NLGN4X: variants seen among roughly 807,000 people sequenced by gnomAD.
The protein encoded by NLGN4X is neuroligin 4 X-linked, also known as neuroligin-4, X-linked.
Under a neutral mutation model 40.3 loss-of-function variants are expected in NLGN4X, and 3 were observed. The ratio of observed to expected loss-of-function variants is 0.07; its 90% CI spans 0.03 to 0.19. NLGN4X has a LOEUF of 0.19. NLGN4X is among the 10% of genes least tolerant of loss of function. The probability of loss-of-function intolerance (pLI) is 1.00; values close to 1 mark genes in which losing one functional copy is unlikely to be tolerated. For missense variants in NLGN4X, 382 were observed against 708.3 expected (o/e 0.54, Z 5.23); for synonymous variants, 270 against 306.8 (o/e 0.88, Z 1.25).
chrX:5,914,066 G>C (rs781192789), intron 3 of NLGN4X, among the ~76,000 whole-genome samples: 57 of 111,868 alleles, frequency 5.1e-4, no homozygotes, highest in Non-Finnish European at 9.2e-4. Context: ...CCAGTCTCAG[G>C]TATGTCTTTA....
Position 5,898,068 on chromosome X carries a change from A to G in NLGN4X, c.1602-4402T>C, listed in dbSNP as rs1218955618. ...CCATTTTTTCCTTCCTTCCCTCGCTACTTTCCTTCCTTCCTCTCTTCTTTC... is the reference window on the plus strand; with the variant it reads ...CCATTTTTTCCTTCCTTCCCTCGCTGCTTTCCTTCCTTCCTCTCTTCTTTC... On this transcript the variant is annotated intron_variant, in intron 5 of 5. Coordinates refer to ENST00000381095, the MANE Select transcript of NLGN4X (RefSeq NM_181332.3). Among the ~76,000 whole-genome samples the G allele has an allele frequency of 4.1e-5, 3 of 74,012 alleles. No individual in the cohort carries two copies. The Admixed American group carries it at 5.8e-4, about 14-fold the overall frequency. 64.3% of individuals were successfully genotyped at this position (74,012 alleles called of 115,157 possible). A position where few individuals can be genotyped will look rare whatever the true frequency, so the allele number is the denominator to read the frequency against.
intron 3 of NLGN4X, among the ~76,000 whole-genome samples, chrX:5,946,123 A>G (rs2034112675): frequency 9.0e-6 from 1 of 111,598 alleles, no homozygotes; most frequent in African/African-American, 3.3e-5. Flanking sequence ...ACTCTTTGTC[A>G]TGGGGGGCTG....
At chrX:6,085,709 A>G (rs1371042760) in intron 2 of NLGN4X, among the ~76,000 whole-genome samples, 3 of 112,498 alleles carry the variant, frequency 2.7e-5, no homozygotes, top group African/African-American at 9.7e-5. Flanking sequence ...TTATGTTTAT[A>G]CAGGCTTAAG....
chrX:6,079,845 C>A (rs1208324292), intron 2 of NLGN4X, among the ~76,000 whole-genome samples: 1 of 111,496 alleles, frequency 9.0e-6, no homozygotes, highest in Non-Finnish European at 1.9e-5. Context: ...TTCTAGGACT[C>A]CTTACTGCAA....
chrX:6,008,816 A>G lies in NLGN4X; in HGVS notation c.625+20464T>C, dbSNP rs773536790. Among the ~76,000 whole-genome samples, 5 of 111,620 alleles carry G rather than the reference A, an allele frequency of 4.5e-5. No homozygotes were observed. The South Asian group carries it at 1.9e-3, about 42-fold the overall frequency. ...ACATTTTGTACCTTTCCAAACTGAA[A>G]CTCTATCCATTAGGAAATAATTTTC... On this transcript the variant is annotated intron_variant, in intron 3 of 5. Transcript: ENST00000381095.
intron 2 of NLGN4X, among the ~76,000 whole-genome samples, chrX:6,145,387 T>C (rs768386204): frequency 1.8e-5 from 2 of 112,460 alleles, no homozygotes; most frequent in South Asian, 7.3e-4. Flanking sequence ...TGTCCTTGGA[T>C]TCAATGCTTC....
intron 5 of NLGN4X, among the ~76,000 whole-genome samples, chrX:5,899,054 A>G (rs1425311578): frequency 1.6e-4 from 18 of 112,035 alleles, no homozygotes; most frequent in African/African-American, 5.8e-4. Flanking sequence ...TCCTTCTTTT[A>G]TGGGGCTGCC....
chrX:6,094,700 G>A (rs1444676177), intron 2 of NLGN4X, among the ~76,000 whole-genome samples: 2 of 111,656 alleles, frequency 1.8e-5, no homozygotes, highest in African/African-American at 6.5e-5. Context: ...ACAAATGAAT[G>A]TAGTTAGGAT....
At chrX:6,037,414 CTGT>C (rs1159602964) in intron 2 of NLGN4X, among the ~76,000 whole-genome samples, 1 of 111,145 alleles carries the variant, frequency 9.0e-6, no homozygotes, top group Non-Finnish European at 1.9e-5. Flanking sequence ...ACATATACTG[CTGT>C]TAACATTACA....
At chrX:6,124,183 C>G (rs1309360574) in intron 2 of NLGN4X, among the ~76,000 whole-genome samples, 1 of 110,928 alleles carries the variant, frequency 9.0e-6, no homozygotes, top group Non-Finnish European at 1.9e-5. Context: ...GTAACTGACA[C>G]TTTCATGTAA....
Position 6,021,090 on chromosome X carries a change from C to A in NLGN4X, c.625+8190G>T, listed in dbSNP as rs930853375. Among the ~76,000 whole-genome samples, 3 of 51,956 alleles carry A rather than the reference C, an allele frequency of 5.8e-5. 1 individual carries two copies. Among genetic ancestry groups the A allele is most frequent in the African/African-American group, 2.4e-4 (3 of 12,547 alleles). The allele number at this position is 51,956 out of a possible 115,157, so 45.1% of individuals were successfully genotyped here. A position where few individuals can be genotyped will look rare whatever the true frequency, so the allele number is the denominator to read the frequency against. On this transcript the variant is annotated intron_variant, in intron 3 of 5. Coordinates refer to ENST00000381095, the MANE Select transcript of NLGN4X (RefSeq NM_181332.3). Reference sequence around the variant, plus strand: ...CCTCCCTCCCTCCCTCTCTCTCTCTCTCCCCCTCTCCCTCTCTCTTTCTTT... The same window carrying A: ...CCTCCCTCCCTCCCTCTCTCTCTCTATCCCCCTCTCCCTCTCTCTTTCTTT...
At chrX:6,119,252 G>A (rs2039368547) in intron 2 of NLGN4X, among the ~76,000 whole-genome samples, 1 of 111,811 alleles carries the variant, frequency 8.9e-6, no homozygotes, top group Non-Finnish European at 1.9e-5. Context: ...GGCAATCAAG[G>A]AGTTCACAGA....
intron 2 of NLGN4X, among the ~76,000 whole-genome samples, chrX:6,061,427 TAAAA>T (rs35449879): frequency 9.3e-6 from 1 of 107,157 alleles, no homozygotes; most frequent in Non-Finnish European, 1.9e-5. Flanking sequence ...TTTCTCATCT[TAAAA>T]AAAAAAGTGT....
rs753727793 is a variant in NLGN4X, at chrX:6,228,798, G to T, written c.-563C>A. 8.9e-6 allele frequency: 1 copy of T among 111,974 alleles called. No homozygotes were observed. Among genetic ancestry groups the T allele is most frequent in the East Asian group, 2.8e-4 (1 of 3,562 alleles). 9.2% of individuals were successfully genotyped at this position (111,974 alleles called of 1,213,427 possible). A position where few individuals can be genotyped will look rare whatever the true frequency, so the allele number is the denominator to read the frequency against. On this transcript the variant is annotated 5_prime_UTR_variant, in exon 1 of 6. Coordinates refer to ENST00000381095, the MANE Select transcript of NLGN4X (RefSeq NM_181332.3). The stretch of plus-strand genomic sequence containing the variant: ...AGAACAAGCATTACAATTGAAGCAG[G>T]AAGGGCCAAGCTAGTGGCTGAATAA...
At chrX:6,020,764 A>G (rs7341957) in intron 3 of NLGN4X, among the ~76,000 whole-genome samples, 7,860 of 110,390 alleles carry the variant, frequency 0.071, 624 homozygotes, top group African/African-American at 0.23. Context: ...AAAAAGCACA[A>G]AATAAAAAAA....
At chrX:6,147,655 A>ATC (rs762478798) in intron 2 of NLGN4X, among the ~76,000 whole-genome samples, 26,790 of 97,586 alleles carry the variant, frequency 0.27, 2,661 homozygotes, top group Middle Eastern at 0.38. Context: ...TCTCTCTGCT[A>ATC]TCTCTCTCTC....
intron 2 of NLGN4X, among the ~76,000 whole-genome samples, chrX:6,146,033 T>C (rs775755318): frequency 4.6e-5 from 5 of 109,222 alleles, no homozygotes; most frequent in Non-Finnish European, 9.5e-5. Context: ...AAGGATCCCT[T>C]GAGCCCAGGA....
chrX:5,968,823 T>C (rs866968262), intron 3 of NLGN4X, among the ~76,000 whole-genome samples: 12 of 109,467 alleles, frequency 1.1e-4, no homozygotes, highest in South Asian at 8.2e-4. Context: ...CTGTGTTCAA[T>C]GTCTCCCCCA....
At chrX:6,135,286 A>G (rs182992514) in intron 2 of NLGN4X, among the ~76,000 whole-genome samples, 1 of 111,692 alleles carries the variant, frequency 9.0e-6, no homozygotes, top group African/African-American at 3.2e-5. Context: ...TCTCTATGTC[A>G]CTAAGAGCTA....
Sources: gnomAD v4.1 joint callset for allele counts (sites outside exome capture counted in the v4.1 genomes callset) on GRCh38, gnomAD v4.1.1 for gene constraint, MANE v1.5 for transcripts, NCBI Gene and HGNC (gene_info 2026-07-23, HGNC 2026-07-21) for gene names.